The following ADAMTS19 variants were observed in gnomAD, a reference collection of about 807,000 sequenced individuals.
ADAMTS19 encodes the protein ADAM metallopeptidase with thrombospondin type 1 motif 19.
In ADAMTS19, 93 loss-of-function variants were observed where a neutral mutation model predicts 153.3. The observed-to-expected ratio is 0.61, with a 90% CI of 0.51 to 0.72. ADAMTS19 has a LOEUF of 0.72. Ranked by LOEUF, ADAMTS19 falls within the 30% of genes least tolerant of loss-of-function variation. ADAMTS19 has a pLI of 0.00. For missense variants in ADAMTS19, 1,482 were observed against 1,552.1 expected, an observed-to-expected ratio of 0.95 and a Z score of 0.76; for synonymous variants, 600 against 556.6, an observed-to-expected ratio of 1.08 and a Z score of -1.10.
At chr5:129,572,436 A>G (rs1753943381) in intron 7 of ADAMTS19, among the ~76,000 whole-genome samples, 2 of 151,972 alleles carry the variant, frequency 1.3e-5, no homozygotes, top group Non-Finnish European at 2.9e-5. Flanking sequence ...CTTCAAAAAA[A>G]CGAAAACTTA....
chr5:129,635,576 TA>T (rs943371598), intron 10 of ADAMTS19, among the ~76,000 whole-genome samples: 1 of 152,090 alleles, frequency 6.6e-6, no homozygotes, highest in African/African-American at 2.4e-5. Context: ...TATGCAGCCA[TA>T]AAAAATGAGA....
chr5:129,640,692 C>G (rs2127021510), intron 10 of ADAMTS19, among the ~76,000 whole-genome samples: 1 of 152,230 alleles, frequency 6.6e-6, no homozygotes, highest in South Asian at 2.1e-4. Context: ...AGTCTGCTCA[C>G]CTTTTCATAA....
intron 7 of ADAMTS19, among the ~76,000 whole-genome samples, chr5:129,558,344 T>A (rs1421927355): frequency 3.3e-5 from 5 of 152,092 alleles, no homozygotes; most frequent in Non-Finnish European, 7.4e-5. Flanking sequence ...AGATATCAAA[T>A]CAATATGCAA....
intron 10 of ADAMTS19, among the ~76,000 whole-genome samples, chr5:129,629,280 C>A (rs964410604): frequency 3.9e-5 from 6 of 152,164 alleles, no homozygotes; most frequent in Non-Finnish European, 8.8e-5. Context: ...ACATAAAAGC[C>A]TACCTATGCT....
At chr5:129,621,792 T>A (rs1166931120) in intron 9 of ADAMTS19, among the ~76,000 whole-genome samples, 1 of 152,202 alleles carries the variant, frequency 6.6e-6, no homozygotes, top group Non-Finnish European at 1.5e-5. Flanking sequence ...ACTGTTAATA[T>A]TCACCTGAGG....
chr5:129,667,648 C>T (rs11951112), intron 16 of ADAMTS19, among the ~76,000 whole-genome samples: 21,483 of 152,022 alleles, frequency 0.14, 1,771 homozygotes, highest in African/African-American at 0.23. Flanking sequence ...CCTGCTCCAC[C>T]TGCACTTTCG....
chr5:129,687,230 G>C (rs1755135010), intron 18 of ADAMTS19, among the ~76,000 whole-genome samples: 1 of 152,158 alleles, frequency 6.6e-6, no homozygotes, highest in East Asian at 1.9e-4. Flanking sequence ...TGGTTGGGGG[G>C]CAGGCAATGG....
At chr5:129,724,178 T>C (rs1309372359) in intron 21 of ADAMTS19, among the ~76,000 whole-genome samples, 1 of 152,248 alleles carries the variant, frequency 6.6e-6, no homozygotes, top group Non-Finnish European at 1.5e-5. Flanking sequence ...GGAGATTCTT[T>C]ACAGAATGTA....
intron 2 of ADAMTS19, among the ~76,000 whole-genome samples, chr5:129,475,741 G>T (rs1750203783): frequency 6.6e-6 from 1 of 152,214 alleles, no homozygotes; most frequent in Non-Finnish European, 1.5e-5. Flanking sequence ...ACTCAGGCAT[G>T]AGAATTGCTT....
intron 8 of ADAMTS19, among the ~76,000 whole-genome samples, chr5:129,607,093 T>G (rs1329671126): frequency 6.6e-6 from 1 of 151,966 alleles, no homozygotes; most frequent in Non-Finnish European, 1.5e-5. Flanking sequence ...AATTTTGTAT[T>G]TTTAGTAGAG....
chr5:129,704,715 G>T (rs1264195715), intron 21 of ADAMTS19, among the ~76,000 whole-genome samples: 1 of 151,962 alleles, frequency 6.6e-6, no homozygotes, highest in Non-Finnish European at 1.5e-5. Flanking sequence ...TAAACAAATA[G>T]AATACTGTCA....
chr5:129,496,405 C>T (rs1335452834), intron 2 of ADAMTS19, among the ~76,000 whole-genome samples: 3 of 152,180 alleles, frequency 2.0e-5, no homozygotes, highest in South Asian at 2.1e-4. Context: ...TTGTTGAATA[C>T]ATTATTGTAT....
chr5:129,721,184 C>T (rs988635301), intron 21 of ADAMTS19, among the ~76,000 whole-genome samples: 4 of 152,076 alleles, frequency 2.6e-5, no homozygotes, highest in Non-Finnish European at 4.4e-5. Flanking sequence ...TGAGTGGATA[C>T]CTACTAAGCA....
At chr5:129,619,987 A>G (rs1013444231) in intron 8 of ADAMTS19, among the ~76,000 whole-genome samples, 1 of 152,072 alleles carries the variant, frequency 6.6e-6, no homozygotes, top group Admixed American at 6.6e-5. Context: ...TGAAAGAGAA[A>G]GTAAGAAAGG....
chr5:129,537,606 T>A (rs13182094), intron 6 of ADAMTS19, among the ~76,000 whole-genome samples: 4 of 151,990 alleles, frequency 2.6e-5, no homozygotes, highest in Admixed American at 1.3e-4. Flanking sequence ...ATAAAAAATG[T>A]TGAGTTCATG....
At chr5:129,570,909 T>C (rs983407150) in intron 7 of ADAMTS19, among the ~76,000 whole-genome samples, 2 of 151,902 alleles carry the variant, frequency 1.3e-5, no homozygotes, top group Non-Finnish European at 2.9e-5. Context: ...TGTGAATAGG[T>C]GGAAACTGCT....
At chr5:129,593,708 A>C (rs1750251039) in intron 7 of ADAMTS19, among the ~76,000 whole-genome samples, 1 of 152,118 alleles carries the variant, frequency 6.6e-6, no homozygotes. Flanking sequence ...ACGTCAACCT[A>C]AATTGAATCT....
At chr5:129,658,489 A>C in intron 14 of ADAMTS19, 128 bp from the exon 15 acceptor site, 1 of 911,846 alleles carries the variant, frequency 1.1e-6, no homozygotes. Flanking sequence ...GACATTTTAT[A>C]ATATGACATT....
intron 7 of ADAMTS19, among the ~76,000 whole-genome samples, chr5:129,573,853 A>C (rs1270797879): frequency 6.6e-6 from 1 of 152,066 alleles, no homozygotes; most frequent in Non-Finnish European, 1.5e-5. Flanking sequence ...GGTGCTATTA[A>C]ATAATATATG....
Sources: gnomAD v4.1 joint callset for allele counts (sites outside exome capture counted in the v4.1 genomes callset) on GRCh38, gnomAD v4.1.1 for gene constraint, MANE v1.5 for transcripts, NCBI Gene and HGNC (gene_info 2026-07-23, HGNC 2026-07-21) for gene names.